Variants in ROBO2 observed in about 807,000 individuals in gnomAD.
ROBO2 encodes the protein roundabout homolog 2.
ROBO2 carries 53 observed loss-of-function variants against 160.8 expected under a neutral mutation model. The observed-to-expected ratio is 0.33, with a 90% CI of 0.26 to 0.41. The LOEUF (loss-of-function observed/expected upper bound fraction) is 0.41. Ranked by LOEUF, ROBO2 falls within the 10% of genes least tolerant of loss-of-function variation. The pLI, the probability that ROBO2 is intolerant of heterozygous loss-of-function variation, is 1.00. For synonymous variants in ROBO2, 664 were observed against 611.7 expected, an observed-to-expected ratio of 1.09 and a Z score of -1.26; for missense variants, 1,577 against 1,722.4, an observed-to-expected ratio of 0.92 and a Z score of 1.49.
rs1205644005 is a variant in ROBO2, at chr3:77,381,675, G to A, written c.389-95739G>A. On this transcript the variant is annotated intron_variant, in intron 2 of 25. Coordinates refer to ENST00000461745, the Ensembl canonical transcript of ROBO2. ...AGTTTAGATATTTGTGAATGTTTCA[G>A]CTGTGAAGAAGAAAAATGACTTCAG... Among the ~76,000 whole-genome samples the A allele has an allele frequency of 3.3e-5, 5 of 152,268 alleles. No individual in the cohort carries two copies. In the East Asian group the frequency reaches 7.7e-4, roughly 24 times the overall value.
chr3:76,134,168 A>G (rs867513866), intron 2 of ROBO2, among the ~76,000 whole-genome samples: 1 of 152,262 alleles, frequency 6.6e-6, no homozygotes, highest in Middle Eastern at 3.4e-3. Flanking sequence ...TTGTTTACAT[A>G]GCCTTATACT....
At chr3:76,666,689 CT>C (rs2092060176) in intron 2 of ROBO2, among the ~76,000 whole-genome samples, 1 of 151,888 alleles carries the variant, frequency 6.6e-6, no homozygotes, top group Non-Finnish European at 1.5e-5. Flanking sequence ...CAAAACCTTC[CT>C]GGCTCTTAGG....
intron 2 of ROBO2, among the ~76,000 whole-genome samples, chr3:76,597,375 A>G (rs2086803848): frequency 1.3e-5 from 2 of 152,118 alleles, no homozygotes. Context: ...AAGGACTAAT[A>G]TTGAAGGTAT....
At chr3:77,086,513 T>A (rs529860969) in intron 1 of ROBO2, among the ~76,000 whole-genome samples, 1 of 152,142 alleles carries the variant, frequency 6.6e-6, no homozygotes, top group Non-Finnish European at 1.5e-5. Flanking sequence ...AAAACGAACA[T>A]GCACATATCT....
At chr3:77,562,763 G>A in intron 10 of ROBO2, 31 bp downstream of exon 11, 1 of 1,505,330 alleles carries the variant, frequency 6.6e-7, no homozygotes, top group Non-Finnish European at 9.2e-7. Flanking sequence ...GAGAAATCTT[G>A]GGCCCCTTTT....
At chr3:77,154,257 T>G (rs2077786657) in intron 2 of ROBO2, among the ~76,000 whole-genome samples, 1 of 152,106 alleles carries the variant, frequency 6.6e-6, no homozygotes, top group African/African-American at 2.4e-5. Flanking sequence ...AGTACGAAAC[T>G]GTTAAAAAGC....
At chr3:76,746,831 G>A (rs1302923204) in intron 2 of ROBO2, among the ~76,000 whole-genome samples, 1 of 152,024 alleles carries the variant, frequency 6.6e-6, no homozygotes, top group Non-Finnish European at 1.5e-5. Context: ...ACAAGCCCCA[G>A]TGTTTGTTGT....
chr3:75,971,551 G>A (rs886885170), intron 2 of ROBO2, among the ~76,000 whole-genome samples: 30 of 151,506 alleles, frequency 2.0e-4, no homozygotes, highest in Middle Eastern at 6.8e-3. Context: ...AACTCTCTAT[G>A]AGAAAACTGC....
intron 2 of ROBO2, among the ~76,000 whole-genome samples, chr3:76,304,755 T>C (rs5009976): frequency 0.19 from 20,139 of 103,326 alleles, 1,917 homozygotes; most frequent in East Asian, 0.28. Flanking sequence ...TCCTTCTTTC[T>C]TTCTTTCTTT....
intron 2 of ROBO2, among the ~76,000 whole-genome samples, chr3:77,447,580 A>G (rs549953733): frequency 3.3e-5 from 5 of 152,278 alleles, no homozygotes; most frequent in African/African-American, 1.2e-4. Context: ...CCAAAATTAT[A>G]GAATAAATTT....
chr3:77,295,733 T>C (rs1386822658), intron 2 of ROBO2, among the ~76,000 whole-genome samples: 1 of 147,534 alleles, frequency 6.8e-6, no homozygotes, highest in Non-Finnish European at 1.5e-5. Flanking sequence ...AAATTGACGG[T>C]TAAACGGGTA....
intron 2 of ROBO2, among the ~76,000 whole-genome samples, chr3:76,381,516 A>C (rs749554760): frequency 1.1e-4 from 17 of 151,634 alleles, no homozygotes; most frequent in Non-Finnish European, 2.1e-4. Context: ...CGCCCGGCTT[A>C]TTTTTTGTAT....
At chr3:77,404,909 G>A (rs1474806086) in intron 2 of ROBO2, among the ~76,000 whole-genome samples, 1 of 152,094 alleles carries the variant, frequency 6.6e-6, no homozygotes, top group Non-Finnish European at 1.5e-5. Context: ...AAGCTCTAGG[G>A]CTGATGTCTT....
intron 2 of ROBO2, among the ~76,000 whole-genome samples, chr3:76,187,934 T>G (rs1701839016): frequency 6.6e-6 from 1 of 152,128 alleles, no homozygotes; most frequent in African/African-American, 2.4e-5. Flanking sequence ...TTAGTAAGAT[T>G]TAAAAGCCCC....
At chr3:77,035,688 A>G (rs981471370), upstream of ROBO2, among the ~76,000 whole-genome samples, 2 of 151,946 alleles carry the variant, frequency 1.3e-5, no homozygotes, top group Non-Finnish European at 2.9e-5. Flanking sequence ...TACTTAGAAC[A>G]TATTTCAGAA....
At chr3:76,074,518 T>A (rs2068579779) in intron 2 of ROBO2, among the ~76,000 whole-genome samples, 2 of 152,090 alleles carry the variant, frequency 1.3e-5, no homozygotes, top group African/African-American at 4.8e-5. Flanking sequence ...AAGAAATGGG[T>A]AAAGAGATGG....
At chr3:77,309,320 T>G (rs2063353865) in intron 2 of ROBO2, among the ~76,000 whole-genome samples, 1 of 152,180 alleles carries the variant, frequency 6.6e-6, no homozygotes, top group Non-Finnish European at 1.5e-5. Context: ...AAAGCAGATT[T>G]AGAGGATTTA....
intron 12 of ROBO2, 146 bp downstream of exon 13, chr3:77,565,266 C>A: frequency 1.0e-6 from 1 of 991,072 alleles, no homozygotes; most frequent in Non-Finnish European, 1.6e-6. Flanking sequence ...GAGAAGGTAG[C>A]TTGCTGTTTA....
intron 2 of ROBO2, among the ~76,000 whole-genome samples, chr3:76,764,013 G>A (rs891918701): frequency 2.0e-5 from 3 of 151,672 alleles, no homozygotes; most frequent in African/African-American, 4.8e-5. Flanking sequence ...CCTTGGCCGG[G>A]AAATTTTAAC....
Sources: allele counts gnomAD v4.1 joint callset (sites outside exome capture counted in the v4.1 genomes callset), GRCh38; gene constraint gnomAD v4.1.1; transcripts MANE v1.5; gene names NCBI Gene and HGNC (gene_info 2026-07-23, HGNC 2026-07-21).